The following ANK3 variants were observed in gnomAD, a reference collection of about 807,000 sequenced individuals.
The protein encoded by ANK3 is ankyrin-3.
A neutral mutation model predicts 370.9 loss-of-function variants in ANK3; 57 were observed. The ratio of observed to expected loss-of-function variants is 0.15; its 90% CI spans 0.12 to 0.19. The LOEUF is 0.19. Ranked by LOEUF, ANK3 falls within the 10% of genes least tolerant of loss-of-function variation. ANK3 has a pLI of 1.00. For missense variants in ANK3, 4,439 were observed against 5,302.1 expected, an observed-to-expected ratio of 0.84 and a Z score of 5.06; for synonymous variants, 1,929 against 1,946.3, an observed-to-expected ratio of 0.99 and a Z score of 0.23.
intron 1 of ANK3, among the ~76,000 whole-genome samples, chr10:60,676,735 T>C (rs551729780): frequency 7.8e-4 from 119 of 152,316 alleles, no homozygotes; most frequent in African/African-American, 2.8e-3. Context: ...TGATTCCTTA[T>C]TCATTCAAAA....
At chr10:60,029,875 C>CTTTTTCTTT (rs2072915122) in intron 43 of ANK3, 49 bp from the exon 44 acceptor site, 55 of 68,664 alleles carry the variant, frequency 8.0e-4, no homozygotes, top group African/African-American at 3.6e-3. Flanking sequence ...TTTTCTTTTT[C>CTTTTTCTTT]TTTTTTTTTT....
intron 1 of ANK3, among the ~76,000 whole-genome samples, chr10:60,707,839 C>T (rs2079641655): frequency 6.6e-6 from 1 of 151,394 alleles, no homozygotes; most frequent in Non-Finnish European, 1.5e-5. Context: ...GTCCTTGTCA[C>T]AGAACCACGA....
chr10:60,475,940 T>C (rs536369397), intron 2 of ANK3, among the ~76,000 whole-genome samples: 3 of 152,212 alleles, frequency 2.0e-5, no homozygotes, highest in Non-Finnish European at 4.4e-5. Context: ...GGGTTTATAA[T>C]CCCAAAAAGA....
chr10:60,221,500 C>T (rs951262775), intron 8 of ANK3, among the ~76,000 whole-genome samples: 17 of 152,180 alleles, frequency 1.1e-4, no homozygotes, highest in Non-Finnish European at 1.8e-4. Flanking sequence ...ACAATTGTCA[C>T]CCCATGGTCA....
intron 2 of ANK3, among the ~76,000 whole-genome samples, chr10:60,524,720 T>C (rs1047611214): frequency 3.3e-5 from 5 of 152,116 alleles, no homozygotes; most frequent in Non-Finnish European, 5.9e-5. Context: ...CAAAAGCTGC[T>C]GACTAAAACC....
chr10:60,085,201 C>T lies in ANK3; in HGVS notation c.3801G>A (p.Thr1267=), dbSNP rs777592979. 11 of 1,613,274 alleles carry T rather than the reference C, an allele frequency of 6.8e-6. No individual in the cohort carries two copies. The highest frequency in any genetic ancestry group is 3.3e-5 in the South Asian group (3 of 90,982). ...TAAAGGAGACACAATCTTTTATAAACGTCAAAGGAGTTGTTCCTGTGATGT... is the reference window on the plus strand; with the variant it reads ...TAAAGGAGACACAATCTTTTATAAATGTCAAAGGAGTTGTTCCTGTGATGT... ...WEDITGTTPL[T]FIKDCVSFTT... is the part of the protein sequence containing the mutation. The change falls in exon 31 of 44, where the codon ACG becomes ACA. Residue 1267 remains threonine (T), a synonymous_variant. Transcript: ENST00000280772.
intron 25 of ANK3, among the ~76,000 whole-genome samples, chr10:60,122,293 C>G (rs1471201473): frequency 2.6e-5 from 4 of 152,250 alleles, no homozygotes; most frequent in Non-Finnish European, 4.4e-5. Context: ...AGTTTTCAAT[C>G]TATGGGCACA....
chr10:60,461,508 G>GCCCAATATTGGGC (rs1358265976), intron 2 of ANK3, among the ~76,000 whole-genome samples: 1 of 152,106 alleles, frequency 6.6e-6, no homozygotes, highest in East Asian at 1.9e-4. Context: ...AATAAAGACG[G>GCCCAATATTGGGC]CCAGGGTGGG....
At chr10:60,480,576 A>C (rs766936173) in intron 2 of ANK3, among the ~76,000 whole-genome samples, 1 of 152,222 alleles carries the variant, frequency 6.6e-6, no homozygotes, top group Non-Finnish European at 1.5e-5. Flanking sequence ...TTCAGCAAAT[A>C]TCTCTTAAGC....
rs1041009986 is a variant in ANK3, at chr10:60,043,261, T to A, written c.13066-502A>T. ...AAACAAATCCTCTCTTCACTGAGCA[T>A]CAGGAATACAGTTCCCCGAGAGCAA... On this transcript the variant is annotated intron_variant, in intron 42 of 43. Coordinates refer to ENST00000280772, the MANE Select transcript of ANK3 (RefSeq NM_020987.5). 4 of 985,458 alleles carry A rather than the reference T, an allele frequency of 4.1e-6. No individual in the cohort carries two copies. In the African/African-American group the frequency reaches 7.0e-5, roughly 17 times the overall value. 61.0% of individuals were successfully genotyped at this position (985,458 alleles called of 1,614,324 possible). A position where few individuals can be genotyped will look rare whatever the true frequency, so the allele number is the denominator to read the frequency against.
intron 2 of ANK3, among the ~76,000 whole-genome samples, chr10:60,478,592 A>G (rs1025056314): frequency 2.0e-5 from 3 of 152,142 alleles, no homozygotes; most frequent in African/African-American, 7.2e-5. Flanking sequence ...TACAAGAAAG[A>G]TATAAATTTC....
intron 1 of ANK3, among the ~76,000 whole-genome samples, chr10:60,616,598 T>A (rs963233552): frequency 6.6e-5 from 10 of 152,164 alleles, no homozygotes; most frequent in African/African-American, 2.4e-4. Flanking sequence ...AAATACTTCC[T>A]AGTATTTATG....
At chr10:60,318,576 C>T (rs2047956177) in intron 1 of ANK3, among the ~76,000 whole-genome samples, 1 of 152,058 alleles carries the variant, frequency 6.6e-6, no homozygotes, top group South Asian at 2.1e-4. Context: ...CTCAATGTCA[C>T]AGGATTTAGT....
At chr10:60,684,610 G>A (rs1257929225) in intron 1 of ANK3, 3 of 1,589,760 alleles carry the variant, frequency 1.9e-6, no homozygotes, top group Non-Finnish European at 2.6e-6. Flanking sequence ...AAAGACAACT[G>A]TCTTATACAG....
chr10:60,242,331 A>G lies in ANK3; in HGVS notation c.799-7545T>C, dbSNP rs551589893. ...TCATCACACCGCTCTACAGTAATAT[A>G]TGGTATTATATGTTACATTATATCA... is the stretch of plus-strand genomic sequence containing the variant. On this transcript the variant is annotated intron_variant, in intron 7 of 43. Coordinates refer to ENST00000280772, the MANE Select transcript of ANK3 (RefSeq NM_020987.5). 3.3e-5 allele frequency among the ~76,000 whole-genome samples: 5 copies of G among 152,334 alleles called. No individual in the cohort carries two copies. In the South Asian group the frequency reaches 6.2e-4, roughly 19 times the overall value.
rs549392865 is a variant in ANK3 at position 60,047,592 on chromosome 10, T to C, written c.13066-4833A>G. Among the ~76,000 whole-genome samples, 5 of 152,350 alleles carry C rather than the reference T, an allele frequency of 3.3e-5. No individual in the cohort carries two copies. In the East Asian group the frequency reaches 7.7e-4, roughly 23 times the overall value. On this transcript the variant is annotated intron_variant, in intron 42 of 43. Coordinates refer to ENST00000280772, the MANE Select transcript of ANK3 (RefSeq NM_020987.5). The stretch of plus-strand genomic sequence containing the variant: ...ACCTCTGGGAAATGGAATGAACGGA[T>C]AGAACTTACCATACGTTTGAACTGC...
chr10:60,297,835 AC>A (rs1392249389), intron 1 of ANK3, among the ~76,000 whole-genome samples: 1 of 152,146 alleles, frequency 6.6e-6, no homozygotes. Flanking sequence ...CAAAACAAAC[AC>A]TATAATAGTC....
chr10:60,150,869 T>C (rs1328293381), intron 23 of ANK3, among the ~76,000 whole-genome samples: 1 of 152,024 alleles, frequency 6.6e-6, no homozygotes, highest in Non-Finnish European at 1.5e-5. Flanking sequence ...AATTATCCAG[T>C]CTCAGGTATT....
In ANK3 at chr10:60,459,170, T is replaced by A. The variant is rs570022212; in HGVS notation, c.96+156016A>T. Among the ~76,000 whole-genome samples the A allele has an allele frequency of 2.6e-4, 40 of 152,296 alleles. No individual in the cohort carries two copies. The South Asian group carries it at 8.1e-3, about 31-fold the overall frequency. On this transcript the variant is annotated intron_variant, in intron 2 of 43. Coordinates refer to the ANK3 transcript ENST00000373827. The stretch of plus-strand genomic sequence containing the variant: ...GTTTCCAAAGGATAGACATGTTATA[T>A]ACAGAACAATTTGAGATTGTGTTCC...
Sources: gnomAD v4.1 joint callset for allele counts (sites outside exome capture counted in the v4.1 genomes callset) on GRCh38, gnomAD v4.1.1 for gene constraint, MANE v1.5 for transcripts, NCBI Gene and HGNC (gene_info 2026-07-23, HGNC 2026-07-21) for gene names.